Variants in PTH2R observed in about 807,000 individuals in gnomAD.
The protein encoded by PTH2R is PTH2 receptor.
In PTH2R, 59 loss-of-function variants were observed where a neutral mutation model predicts 60.3. The ratio of observed to expected loss-of-function variants is 0.98; its 90% CI spans 0.79 to 1.22. The LOEUF (loss-of-function observed/expected upper bound fraction) is 1.22, where lower values mean the gene tolerates loss of function less well. Ranked by LOEUF, PTH2R falls within the 50% of genes most tolerant of loss-of-function variation. The probability of loss-of-function intolerance (pLI) is 0.00; values close to 1 mark genes in which losing one functional copy is unlikely to be tolerated. For synonymous variants in PTH2R, 256 were observed against 243.8 expected (o/e 1.05, Z -0.47); for missense variants, 749 against 682.6 (o/e 1.10, Z -1.08).
intron 7 of PTH2R, among the ~76,000 whole-genome samples, chr2:208,448,490 C>T (rs1032788730): frequency 4.0e-5 from 6 of 150,884 alleles, no homozygotes; most frequent in Non-Finnish European, 7.4e-5. Context: ...CTCTACTAGC[C>T]GGGCGTGGCA....
chr2:208,403,243 T>G (rs925933202), upstream of PTH2R, among the ~76,000 whole-genome samples: 1 of 152,336 alleles, frequency 6.6e-6, no homozygotes, highest in Non-Finnish European at 1.5e-5. Context: ...AAGATTTTCA[T>G]GATTAGAATT....
intron 1 of PTH2R, among the ~76,000 whole-genome samples, chr2:208,371,799 A>G (rs1383182002): frequency 6.6e-6 from 1 of 152,076 alleles, no homozygotes; most frequent in Non-Finnish European, 1.5e-5. Context: ...GTGTGTTGTG[A>G]TATGACATAC....
chr2:208,484,932 C>T (rs1356990737), intron 10 of PTH2R, among the ~76,000 whole-genome samples: 1 of 152,070 alleles, frequency 6.6e-6, no homozygotes, highest in African/African-American at 2.4e-5. Flanking sequence ...TGCTTAATGG[C>T]CAGTAGTGTC....
At chr2:208,396,647 C>T (rs533175869) in intron 1 of PTH2R, among the ~76,000 whole-genome samples, 33 of 152,220 alleles carry the variant, frequency 2.2e-4, no homozygotes, top group Non-Finnish European at 4.9e-4. Flanking sequence ...ATTAAAAAGT[C>T]AGGAAACAAC....
chr2:208,390,456 G>A (rs188581980), intron 1 of PTH2R, among the ~76,000 whole-genome samples: 7 of 152,316 alleles, frequency 4.6e-5, no homozygotes, highest in Non-Finnish European at 7.4e-5. Context: ...CCTCAGTGTC[G>A]TTGAATTGAG....
intron 1 of PTH2R, among the ~76,000 whole-genome samples, chr2:208,425,882 C>A (rs902345410): frequency 6.6e-6 from 1 of 152,188 alleles, no homozygotes; most frequent in Admixed American, 6.5e-5. Flanking sequence ...GAATTTACCA[C>A]CATGTTGTCT....
At chr2:208,490,770 T>A in intron 12 of PTH2R, 90 bp downstream of exon 12, 1 of 1,276,520 alleles carries the variant, frequency 7.8e-7, no homozygotes, top group Non-Finnish European at 1.1e-6. Flanking sequence ...TTTCCAGGAT[T>A]TCCAGGATGG....
intron 1 of PTH2R, among the ~76,000 whole-genome samples, chr2:208,426,561 A>G (rs1240830093): frequency 6.6e-6 from 1 of 152,158 alleles, no homozygotes; most frequent in East Asian, 1.9e-4. Context: ...AATCCCCATA[A>G]TCCCCACATG....
chr2:208,448,196 A>G (rs1162592710), intron 7 of PTH2R, among the ~76,000 whole-genome samples: 1 of 152,204 alleles, frequency 6.6e-6, no homozygotes, highest in Non-Finnish European at 1.5e-5. Context: ...ACTTGGCAGT[A>G]AGTGTTTAAA....
At chr2:208,478,547 G>C (rs924451569) in intron 9 of PTH2R, among the ~76,000 whole-genome samples, 1 of 152,122 alleles carries the variant, frequency 6.6e-6, no homozygotes, top group Non-Finnish European at 1.5e-5. Context: ...CCTTTCGGAG[G>C]ATTCTTCAGG....
intron 9 of PTH2R, among the ~76,000 whole-genome samples, chr2:208,479,606 T>C (rs905684789): frequency 6.6e-6 from 1 of 152,298 alleles, no homozygotes; most frequent in Middle Eastern, 3.4e-3. Context: ...TCAAGTAGCT[T>C]TTCACCTTCT....
chr2:208,492,139 G>C (rs1238626329), intron 12 of PTH2R, among the ~76,000 whole-genome samples: 1 of 152,194 alleles, frequency 6.6e-6, no homozygotes, highest in Non-Finnish European at 1.5e-5. Context: ...AGTAGGAATG[G>C]AAATAAGAGC....
rs544247437 is a variant in PTH2R, at chr2:208,437,464, T to C, written c.179-73T>C. The stretch of plus-strand genomic sequence containing the variant: ...AGACAATGACCTAAAATTTTGTTTT[T>C]TGAATGCATTTGTTCTCTGGTTCTA... On this transcript the variant is annotated intron_variant, in intron 2 of 12. Transcript: ENST00000272847. 2.1e-5 allele frequency: 28 copies of C among 1,313,244 alleles called. 1 individual carries two copies. The highest frequency in any genetic ancestry group is 4.0e-4 in the Middle Eastern group (2 of 4,972). The allele number at this position is 1,313,244 out of a possible 1,614,324, so 81.3% of individuals were successfully genotyped here.
intron 4 of PTH2R, among the ~76,000 whole-genome samples, chr2:208,441,463 T>C (rs931120483): frequency 2.6e-5 from 4 of 152,232 alleles, no homozygotes; most frequent in African/African-American, 7.2e-5. Flanking sequence ...ATTAGCCTGA[T>C]TGAAACATGG....
At chr2:208,428,822 C>T (rs1050279788) in intron 2 of PTH2R, among the ~76,000 whole-genome samples, 1 of 152,186 alleles carries the variant, frequency 6.6e-6, no homozygotes, top group Admixed American at 6.5e-5. Context: ...CGGTGGCTCA[C>T]GCCTGTAATC....
chr2:208,454,450 CCTCT>C (rs564061195), intron 8 of PTH2R, among the ~76,000 whole-genome samples: 113 of 152,194 alleles, frequency 7.4e-4, no homozygotes, highest in African/African-American at 2.7e-3. Flanking sequence ...GCTGGCTCTC[CCTCT>C]CTCTCTGTGC....
intron 9 of PTH2R, among the ~76,000 whole-genome samples, chr2:208,476,018 G>T (rs977243539): frequency 2.0e-5 from 3 of 152,098 alleles, no homozygotes; most frequent in Admixed American, 2.0e-4. Flanking sequence ...TAAATGTTTT[G>T]TTTTGCATAC....
chr2:208,489,976 T>C (rs1286417358), intron 11 of PTH2R, among the ~76,000 whole-genome samples: 1 of 152,214 alleles, frequency 6.6e-6, no homozygotes, highest in Non-Finnish European at 1.5e-5. Flanking sequence ...TCAAACACAC[T>C]TGAGTATCAC....
At chr2:208,447,505 G>T (rs932096532) in intron 7 of PTH2R, among the ~76,000 whole-genome samples, 1 of 151,300 alleles carries the variant, frequency 6.6e-6, no homozygotes, top group Non-Finnish European at 1.5e-5. Context: ...GGAGAATGGC[G>T]TGAACCCAGG....
Sources: gnomAD v4.1 joint callset for allele counts (sites outside exome capture counted in the v4.1 genomes callset) on GRCh38, gnomAD v4.1.1 for gene constraint, MANE v1.5 for transcripts, NCBI Gene and HGNC (gene_info 2026-07-23, HGNC 2026-07-21) for gene names.